Variants in TRHDE observed in about 807,000 individuals in gnomAD.
The protein encoded by TRHDE is thyrotropin releasing hormone degrading enzyme.
Under a neutral mutation model 125.7 loss-of-function variants are expected in TRHDE, and 72 were observed. The ratio of observed to expected loss-of-function variants is 0.57; its 90% CI spans 0.47 to 0.70. TRHDE has a LOEUF of 0.70. Among genes scored for constraint, TRHDE ranks in the 30% least tolerant of loss-of-function variants. TRHDE has a pLI of 0.00. For synonymous variants in TRHDE, 509 were observed against 509.1 expected (o/e 1.00, Z 0.00); for missense variants, 1,110 against 1,327.1 (o/e 0.84, Z 2.54).
chr12:72,156,522 C>A (rs528442716), intron 2 of TRHDE, among the ~76,000 whole-genome samples: 5 of 152,138 alleles, frequency 3.3e-5, no homozygotes, highest in South Asian at 2.1e-4. Context: ...TGTTCCTATG[C>A]GGCCATCTTG....
At chr12:72,184,815 C>T (rs758470756) in intron 2 of TRHDE, among the ~76,000 whole-genome samples, 9 of 152,234 alleles carry the variant, frequency 5.9e-5, no homozygotes, top group Admixed American at 1.3e-4. Context: ...CTGGTTCAGT[C>T]TGCCCTCCAG....
chr12:72,487,639 G>T (rs754757334), intron 5 of TRHDE, among the ~76,000 whole-genome samples: 3 of 152,060 alleles, frequency 2.0e-5, no homozygotes, highest in Non-Finnish European at 4.4e-5. Context: ...AATACTTAAA[G>T]AAGTTCTTCA....
chr12:72,612,254 C>T (rs1459407242), intron 12 of TRHDE, among the ~76,000 whole-genome samples: 3 of 152,180 alleles, frequency 2.0e-5, no homozygotes, highest in African/African-American at 7.2e-5. Context: ...GTGACACCTT[C>T]CCTAACCACC....
intron 1 of TRHDE, among the ~76,000 whole-genome samples, chr12:72,285,192 C>A (rs1165172464): frequency 6.6e-6 from 1 of 152,022 alleles, no homozygotes. Context: ...AGATTCAATA[C>A]GCATGTCAAC....
intron 2 of TRHDE, among the ~76,000 whole-genome samples, chr12:72,113,065 T>C (rs531901746): frequency 1.0e-3 from 153 of 152,284 alleles, no homozygotes; most frequent in African/African-American, 3.6e-3. Context: ...TCACCCAGGC[T>C]GGAGAGCAGT....
intron 2 of TRHDE, among the ~76,000 whole-genome samples, chr12:72,112,744 C>G (rs1425052221): frequency 6.6e-6 from 1 of 152,168 alleles, no homozygotes; most frequent in Non-Finnish European, 1.5e-5. Flanking sequence ...TAATCACACT[C>G]CTAGATGGAT....
Position 72,091,528 on chromosome 12 carries a change from A to G in TRHDE, n.174+4089A>G, listed in dbSNP as rs114071600. Among the ~76,000 whole-genome samples the G allele has an allele frequency of 1.6e-3, 245 of 152,258 alleles. 2 individuals are homozygous for G. The highest frequency in any genetic ancestry group is 5.6e-3 in the African/African-American group (232 of 41,550). Reference sequence around the variant, plus strand: ...TGCTGCTTTTATCTGCCTAGTACCCATTTTATCCTTTTCTTCTGGTAACAG... The same window carrying G: ...TGCTGCTTTTATCTGCCTAGTACCCGTTTTATCCTTTTCTTCTGGTAACAG... On this transcript the variant is annotated intron_variant and non_coding_transcript_variant, in intron 1 of 4. Coordinates refer to the TRHDE transcript ENST00000548156.
intron 3 of TRHDE, among the ~76,000 whole-genome samples, chr12:72,434,496 A>G (rs765598243): frequency 4.0e-5 from 6 of 151,624 alleles, no homozygotes; most frequent in Non-Finnish European, 7.4e-5. Context: ...TGTGTGTGTG[A>G]GAGGAGTGGT....
intron 2 of TRHDE, among the ~76,000 whole-genome samples, chr12:72,324,789 T>C (rs1156681826): frequency 6.6e-6 from 1 of 152,180 alleles, no homozygotes; most frequent in Non-Finnish European, 1.5e-5. Flanking sequence ...TTTTCATCCC[T>C]AGATTTCTGT....
At chr12:72,210,163 A>G (rs984726578) in intron 2 of TRHDE, among the ~76,000 whole-genome samples, 1 of 112,954 alleles carries the variant, frequency 8.9e-6, no homozygotes, top group Admixed American at 9.9e-5. Context: ...TTTAAGTTCT[A>G]TAAGATTGAT....
chr12:72,187,440 TG>T (rs372179489), intron 2 of TRHDE, among the ~76,000 whole-genome samples: 6 of 99,488 alleles, frequency 6.0e-5, no homozygotes, highest in Admixed American at 1.0e-4. Flanking sequence ...AGGCCCGAGG[TG>T]GGGGGGGTGG....
chr12:72,618,215 A>G (rs955233254), intron 12 of TRHDE, among the ~76,000 whole-genome samples: 1 of 152,170 alleles, frequency 6.6e-6, no homozygotes, highest in South Asian at 2.1e-4. Flanking sequence ...TTTAAAAGGT[A>G]CAATTTAGTA....
At chr12:72,098,266 T>A (rs1874983178) in intron 1 of TRHDE, among the ~76,000 whole-genome samples, 1 of 152,152 alleles carries the variant, frequency 6.6e-6, no homozygotes, top group Non-Finnish European at 1.5e-5. Context: ...CAGACTTACA[T>A]GAAGTTATAA....
chr12:72,480,757 A>G (rs1718324153), intron 5 of TRHDE, among the ~76,000 whole-genome samples: 1 of 152,182 alleles, frequency 6.6e-6, no homozygotes, highest in African/African-American at 2.4e-5. Context: ...CTTTTCAAGT[A>G]AGAGCAGTTT....
chr12:72,129,481 T>A (rs147662562), intron 2 of TRHDE, among the ~76,000 whole-genome samples: 4 of 152,364 alleles, frequency 2.6e-5, no homozygotes, highest in African/African-American at 9.6e-5. Flanking sequence ...CCTTCTCTTA[T>A]GTGTCTATGC....
chr12:72,515,977 C>A (rs886115956), intron 6 of TRHDE, among the ~76,000 whole-genome samples: 5 of 141,944 alleles, frequency 3.5e-5, no homozygotes, highest in Admixed American at 6.9e-5. Flanking sequence ...TTTCTGAGGG[C>A]TCTGTTCTGT....
intron 2 of TRHDE, among the ~76,000 whole-genome samples, chr12:72,109,878 AAAG>A (rs1374359592): frequency 3.3e-5 from 5 of 152,110 alleles, no homozygotes; most frequent in Admixed American, 6.6e-5. Context: ...CTTAGCAGGA[AAAG>A]AGGGAAATGG....
At chr12:72,456,504 A>T (rs1002844607) in intron 3 of TRHDE, among the ~76,000 whole-genome samples, 2 of 152,268 alleles carry the variant, frequency 1.3e-5, no homozygotes, top group East Asian at 3.9e-4. Flanking sequence ...AAAACAAATA[A>T]TGAGGAAGGT....
chr12:72,499,734 A>G, intron 6 of TRHDE, 99 bp downstream of exon 6: 3 of 1,285,376 alleles, frequency 2.3e-6, no homozygotes, highest in Non-Finnish European at 3.2e-6. Context: ...TTCCGGGCAG[A>G]TAGACATAGA....
Sources: gnomAD v4.1 joint callset for allele counts (sites outside exome capture counted in the v4.1 genomes callset) on GRCh38, gnomAD v4.1.1 for gene constraint, MANE v1.5 for transcripts, NCBI Gene and HGNC (gene_info 2026-07-23, HGNC 2026-07-21) for gene names.